The following ABCA3 variants were observed in gnomAD, a reference collection of about 807,000 sequenced individuals.
ABCA3 encodes the protein phospholipid-transporting ATPase ABCA3.
In ABCA3, 88 loss-of-function variants were observed where a neutral mutation model predicts 172.8. The ratio of observed to expected loss-of-function variants is 0.51; its 90% CI spans 0.43 to 0.61. The LOEUF is 0.61. ABCA3 is among the 20% of genes least tolerant of loss of function. ABCA3 has a pLI of 0.00. For missense variants in ABCA3, 2,164 were observed against 2,301.0 expected (o/e 0.94, Z 1.22); for synonymous variants, 1,066 against 983.8 (o/e 1.08, Z -1.56).
At position 2,301,066 on chromosome 16, in the gene ABCA3, T is replaced by G. The variant is rs558721015; in HGVS notation, c.1468-918A>C. On this transcript the variant is annotated intron_variant, in intron 12 of 32. Coordinates refer to ENST00000301732, the MANE Select transcript of ABCA3 (RefSeq NM_001089.3). ...TAACACGGTGAAACCCCGTCTCTAC[T>G]AAAAATACAAAAAAATTAGCCGGGC... 7.1e-4 allele frequency among the ~76,000 whole-genome samples: 107 copies of G among 151,080 alleles called. 4 individuals carry two copies. The highest frequency in any genetic ancestry group is 2.6e-3 in the African/African-American group (105 of 40,926).
rs71148128 is a variant in ABCA3, at chr16:2,316,490, C to CAAA, written c.1111+790_1111+792dup. Among the ~76,000 whole-genome samples, 14 of 28,870 alleles carry CAAA rather than the reference C, an allele frequency of 4.8e-4. 3 individuals are homozygous for CAAA. Among genetic ancestry groups the CAAA allele is most frequent in the African/African-American group, 9.0e-4 (6 of 6,674 alleles). The allele number at this position is 28,870 out of a possible 152,430, so 18.9% of individuals were successfully genotyped here. A position where few individuals can be genotyped will look rare whatever the true frequency, so the allele number is the denominator to read the frequency against. On this transcript the variant is annotated intron_variant, in intron 10 of 32. Coordinates refer to ENST00000301732, the MANE Select transcript of ABCA3 (RefSeq NM_001089.3). ...CAAAACCCCGTCTCTACTAAAAATG[C>CAAA]AAAAAAAAAAAAAAAAAAAAAAAAA...
intron 6 of ABCA3, 80 bp from the exon 7 acceptor site, chr16:2,323,768 T>A: frequency 6.5e-7 from 1 of 1,543,724 alleles, no homozygotes; most frequent in African/African-American, 1.4e-5. Flanking sequence ...GGGAGAGCGC[T>A]TGGGGGGCTG....
In ABCA3 at chr16:2,279,659, C is replaced by A. The variant is rs2093652080; in HGVS notation, c.4360-529G>T. 6.6e-6 allele frequency among the ~76,000 whole-genome samples: 1 copy of A among 152,076 alleles called. No individual in the cohort carries two copies. Among genetic ancestry groups the A allele is most frequent in the Non-Finnish European group, 1.5e-5 (1 of 68,008 alleles). ...GCTACCTTCAGCAGCTGGTCGGGGG[C>A]AGGAGTGCCTGGGTTCTGTGGATTC... On this transcript the variant is annotated intron_variant, in intron 28 of 32. Transcript: ENST00000301732. The surrounding 1 kb of genome is among the most constrained non-coding windows in gnomAD (Gnocchi z 4.4).
intron 1 of ABCA3, among the ~76,000 whole-genome samples, 158 bp downstream of exon 1, chr16:2,340,415 G>C (rs1018049271): frequency 4.6e-4 from 70 of 151,372 alleles, no homozygotes; most frequent in African/African-American, 1.7e-3. Context: ...GGCGCGGCCG[G>C]AGGGGATGCG....
At chr16:2,315,839 CTTTT>C (rs536716259) in intron 10 of ABCA3, among the ~76,000 whole-genome samples, 72 of 104,850 alleles carry the variant, frequency 6.9e-4, no homozygotes, top group African/African-American at 2.1e-3. Flanking sequence ...AATTTTTAAA[CTTTT>C]TTTTTTTTTT....
At position 2,288,017 on chromosome 16, in the gene ABCA3, G is replaced by A. The variant is rs919426850; in HGVS notation, c.3004+9C>T. 1 of 1,602,650 alleles carries A rather than the reference G, an allele frequency of 6.2e-7. No individual in the cohort carries two copies. The highest frequency in any genetic ancestry group is 1.3e-5 in the African/African-American group (1 of 74,886). ...GATGCCCCCGTCCCGCCCCCGGGAT[G>A]CCCCTTACCGAGCACCTCGCGGGGC... is the stretch of plus-strand genomic sequence containing the variant. On this transcript the variant is annotated intron_variant, in intron 21 of 32. Coordinates refer to ENST00000301732, the MANE Select transcript of ABCA3 (RefSeq NM_001089.3).
rs116919064 is a variant in ABCA3, at chr16:2,284,653, G to A, written c.3703+126C>T. On this transcript the variant is annotated intron_variant, in intron 24 of 32. Coordinates refer to ENST00000301732, the MANE Select transcript of ABCA3 (RefSeq NM_001089.3). The surrounding 1 kb of genome is among the most constrained non-coding windows in gnomAD (Gnocchi z 5.9). ...CCGGGCAGGGCCAGCTGGGGCAGAG[G>A]GGCTGGTGAGCATGAACTGGGCCCA... is the stretch of plus-strand genomic sequence containing the variant. 2.7e-5 allele frequency: 33 copies of A among 1,234,420 alleles called. No individual in the cohort carries two copies. In the South Asian group the frequency reaches 3.6e-4, roughly 14 times the overall value. The allele number at this position is 1,234,420 out of a possible 1,614,324, so 76.5% of individuals were successfully genotyped here. A position where few individuals can be genotyped will look rare whatever the true frequency, so the allele number is the denominator to read the frequency against.
chr16:2,337,304 A>G (rs1427467264), intron 1 of ABCA3, among the ~76,000 whole-genome samples: 1 of 151,880 alleles, frequency 6.6e-6, no homozygotes, highest in Non-Finnish European at 1.5e-5. Flanking sequence ...AACACATAAT[A>G]TATATTGGGC....
In ABCA3 at chr16:2,297,729, G is replaced by A. The variant is rs755038348; in HGVS notation, c.2052+37C>T. ...CGGAAGGGCCATCCCAGGTCGAGCA[G>A]GAGGGGAACCCACTGCCTCCAGTCC... On this transcript the variant is annotated intron_variant, in intron 16 of 32. Coordinates refer to ENST00000301732, the MANE Select transcript of ABCA3 (RefSeq NM_001089.3). This position sits in a 1 kb window ranked among gnomAD's most constrained non-coding sequence, Gnocchi z 5.6. 1 of 1,605,968 alleles carries A rather than the reference G, an allele frequency of 6.2e-7. No individual in the cohort carries two copies. Among genetic ancestry groups the A allele is most frequent in the African/African-American group, 1.3e-5 (1 of 74,886 alleles).
At chr16:2,338,751 CTTTTT>C (rs34719364) in intron 1 of ABCA3, among the ~76,000 whole-genome samples, 6 of 121,596 alleles carry the variant, frequency 4.9e-5, no homozygotes, top group African/African-American at 1.8e-4. Context: ...TCCAATTCAT[CTTTTT>C]TTTTTTTTTT....
intron 9 of ABCA3, 99 bp from the exon 10 acceptor site, chr16:2,317,502 A>G: frequency 1.9e-6 from 3 of 1,596,134 alleles, no homozygotes; most frequent in Non-Finnish European, 2.6e-6. Context: ...CTCCACCGAG[A>G]GGAGTGGGAC....
In ABCA3 at chr16:2,319,884, G is replaced by A. The variant is rs200584639; in HGVS notation, c.614-44C>T. ...GATGGCCCAGCCACCTCGAGGAGCT[G>A]CTCTCGAGGGCAGAGGGCCACGTGC... is the stretch of plus-strand genomic sequence containing the variant. On this transcript the variant is annotated intron_variant, in intron 7 of 32. Coordinates refer to ENST00000301732, the MANE Select transcript of ABCA3 (RefSeq NM_001089.3). 9.3e-5 allele frequency: 149 copies of A among 1,610,106 alleles called. No homozygotes were observed. The African/African-American group carries it at 1.7e-3, about 18-fold the overall frequency.
At chr16:2,319,509 C>T in intron 8 of ABCA3, 72 bp downstream of exon 8, 1 of 1,556,826 alleles carries the variant, frequency 6.4e-7, no homozygotes, top group Non-Finnish European at 8.6e-7. Context: ...ACTAAAACAC[C>T]AAGCCTTTGG....
intron 20 of ABCA3, 153 bp downstream of exon 20, chr16:2,289,281 C>T (rs932920921): frequency 4.6e-5 from 40 of 865,232 alleles, no homozygotes; most frequent in Admixed American, 1.9e-4. Flanking sequence ...CCGACCCATG[C>T]GGTGTGAGCC....
At position 2,318,948 on chromosome 16, in the gene ABCA3, T is replaced by C. The variant is rs1029740877; in HGVS notation, c.873+633A>G. Among the ~76,000 whole-genome samples, 3 of 151,382 alleles carry C rather than the reference T, an allele frequency of 2.0e-5. No individual in the cohort carries two copies. The South Asian group carries it at 6.3e-4, about 32-fold the overall frequency. On this transcript the variant is annotated intron_variant, in intron 8 of 32. Transcript: ENST00000301732. ...TTTGTTTGATCTGTGTATCTGCATA[T>C]GTGCACACTTTTTTTTTTTTCAGGA...
At chr16:2,303,925 C>T (rs1324344128) in intron 12 of ABCA3, 44 bp downstream of exon 12, 5 of 1,611,266 alleles carry the variant, frequency 3.1e-6, no homozygotes, top group Non-Finnish European at 3.4e-6. Flanking sequence ...GACACCTCTG[C>T]ACTCAGAGAG....
In ABCA3 at chr16:2,285,382, TC is replaced by T; in HGVS notation, c.3483+59del. 6.5e-7 allele frequency: 1 copy of T among 1,546,842 alleles called. No individual in the cohort carries two copies. Among genetic ancestry groups the T allele is most frequent in the Non-Finnish European group, 8.7e-7 (1 of 1,143,920 alleles). The stretch of plus-strand genomic sequence containing the variant: ...AGCTGGTTCCGGTTCTGCACAGGGG[TC>T]CCAGGGCAAGCCCTCTGCGGTCTGC... On this transcript the variant is annotated intron_variant, in intron 23 of 32. Transcript: ENST00000301732. This position sits in a 1 kb window ranked among gnomAD's most constrained non-coding sequence, Gnocchi z 4.7.
intron 11 of ABCA3, among the ~76,000 whole-genome samples, chr16:2,308,171 T>G (rs754002418): frequency 2.6e-5 from 4 of 151,834 alleles, no homozygotes; most frequent in Non-Finnish European, 5.9e-5. Context: ...TGCTGGATGC[T>G]CCAACCCTCT....
intron 11 of ABCA3, among the ~76,000 whole-genome samples, chr16:2,307,011 C>T (rs555062598): frequency 2.8e-5 from 3 of 106,664 alleles, no homozygotes; most frequent in South Asian, 3.0e-4. Flanking sequence ...TGAGAGACTC[C>T]GTCTCAAAAA....
Sources: gnomAD v4.1 joint callset for allele counts (sites outside exome capture counted in the v4.1 genomes callset) on GRCh38, gnomAD v4.1.1 for gene constraint, Gnocchi (gnomAD v3.1) non-coding constraint, MANE v1.5 for transcripts, NCBI Gene and HGNC (gene_info 2026-07-23, HGNC 2026-07-21) for gene names.